The following SPRED2 variants were observed in gnomAD, a reference collection of about 807,000 sequenced individuals.
The protein encoded by SPRED2 is sprouty related EVH1 domain containing 2.
In SPRED2, 47 loss-of-function variants were observed where a neutral mutation model predicts 43.0. The observed-to-expected ratio is 1.09, with a 90% CI of 0.87 to 1.40. SPRED2 has a LOEUF of 1.40. SPRED2 is among the 40% of genes most tolerant of loss of function. SPRED2 has a pLI of 0.00. For missense variants in SPRED2, 561 were observed against 586.4 expected (o/e 0.96, Z 0.45); for synonymous variants, 225 against 225.7 (o/e 1.00, Z 0.03).
downstream of SPRED2, chr2:65,308,442 T>C (rs1407128616): frequency 1.7e-5 from 17 of 985,292 alleles, no homozygotes; most frequent in Non-Finnish European, 2.0e-5. Context: ...TCAGATCAAA[T>C]AGAAGTTAAG....
intron 2 of SPRED2, among the ~76,000 whole-genome samples, 181 bp from the exon 3 acceptor site, chr2:65,334,954 G>A (rs1385244336): frequency 6.6e-6 from 1 of 152,174 alleles, no homozygotes; most frequent in Non-Finnish European, 1.5e-5. Flanking sequence ...CTGACCATCC[G>A]ATCTTCGCTG....
chr2:65,317,741 C>T (rs1257901592), intron 4 of SPRED2, among the ~76,000 whole-genome samples: 2 of 152,002 alleles, frequency 1.3e-5, no homozygotes, highest in Non-Finnish European at 2.9e-5. Flanking sequence ...ATCTTGAGTA[C>T]TGGATTTCCA....
At chr2:65,430,856 G>C (rs1020471495) in intron 1 of SPRED2, among the ~76,000 whole-genome samples, 1 of 142,424 alleles carries the variant, frequency 7.0e-6, no homozygotes, top group Non-Finnish European at 1.6e-5. Flanking sequence ...AAAGGAGCGC[G>C]TCTTATTCAC....
chr2:65,391,723 A>G (rs1269075898), intron 1 of SPRED2, among the ~76,000 whole-genome samples: 1 of 152,152 alleles, frequency 6.6e-6, no homozygotes, highest in Non-Finnish European at 1.5e-5. Flanking sequence ...ATTTTTTTTT[A>G]AAAGAAGTAT....
intron 1 of SPRED2, among the ~76,000 whole-genome samples, chr2:65,371,529 G>T (rs897135621): frequency 6.6e-6 from 1 of 152,138 alleles, no homozygotes; most frequent in African/African-American, 2.4e-5. Flanking sequence ...AGGAGGCGGC[G>T]GAGGCAGATG....
intron 1 of SPRED2, among the ~76,000 whole-genome samples, chr2:65,377,283 T>G (rs1675263191): frequency 6.6e-6 from 1 of 152,214 alleles, no homozygotes; most frequent in Non-Finnish European, 1.5e-5. Flanking sequence ...TAAACCCATC[T>G]GAAATCAAGA....
At position 65,310,995 on chromosome 2, in the gene SPRED2, G is replaced by A. The variant is rs903049662; in HGVS notation, c.*2506C>T. The A allele has an allele frequency of 5.1e-6, 5 of 983,320 alleles. No individual in the cohort carries two copies. The South Asian group carries it at 2.4e-4, about 46-fold the overall frequency. The allele number at this position is 983,320 out of a possible 1,614,324, so 60.9% of individuals were successfully genotyped here. On this transcript the variant is annotated 3_prime_UTR_variant, in exon 6 of 6. Coordinates refer to ENST00000356388, the MANE Select transcript of SPRED2 (RefSeq NM_181784.3). ...TATATTTTTTACACAGAGGTAAAAA[G>A]GCTTATTATAAAAAAATCAATACAA...
intron 4 of SPRED2, among the ~76,000 whole-genome samples, chr2:65,321,790 T>C (rs1286577104): frequency 6.6e-6 from 1 of 152,170 alleles, no homozygotes; most frequent in Non-Finnish European, 1.5e-5. Flanking sequence ...TACATTTTTT[T>C]GAGACAGAGC....
intron 2 of SPRED2, among the ~76,000 whole-genome samples, chr2:65,336,085 T>G (rs976550949): frequency 1.3e-5 from 2 of 152,210 alleles, no homozygotes; most frequent in African/African-American, 2.4e-5. Context: ...GCCAGTACAG[T>G]GGCTCATGCC....
intron 1 of SPRED2, among the ~76,000 whole-genome samples, chr2:65,350,794 C>A (rs957437263): frequency 6.6e-6 from 1 of 152,220 alleles, no homozygotes; most frequent in African/African-American, 2.4e-5. Flanking sequence ...CAGGCCCCGT[C>A]TGGGCCACGT....
chr2:65,327,372 C>G (rs1162335066), intron 4 of SPRED2, among the ~76,000 whole-genome samples: 2 of 152,134 alleles, frequency 1.3e-5, no homozygotes, highest in Non-Finnish European at 2.9e-5. Context: ...GTAAATAAAG[C>G]AAGACACAAG....
chr2:65,341,455 G>A (rs759680882), intron 2 of SPRED2, among the ~76,000 whole-genome samples: 124 of 152,266 alleles, frequency 8.1e-4, no homozygotes, highest in Non-Finnish European at 1.5e-3. Flanking sequence ...CTCAGCGGGG[G>A]CGGACAGAGG....
intron 2 of SPRED2, among the ~76,000 whole-genome samples, chr2:65,337,409 GA>G (rs898337946): frequency 3.1e-4 from 46 of 148,000 alleles, no homozygotes; most frequent in African/African-American, 8.9e-4. Flanking sequence ...TTCGAGACTT[GA>G]AAAAAAAAAC....
downstream of SPRED2, chr2:65,310,837 C>A (rs1327141363): frequency 1.0e-6 from 1 of 983,382 alleles, no homozygotes; most frequent in Non-Finnish European, 1.2e-6. Context: ...AGACAAATAC[C>A]CCAAAGCCAG....
intron 1 of SPRED2, among the ~76,000 whole-genome samples, chr2:65,377,331 TA>T (rs1675264637): frequency 6.6e-6 from 1 of 152,068 alleles, no homozygotes. Context: ...TACAGAAAAA[TA>T]AAACCAAATT....
chr2:65,422,096 ACACACACACTCTCTCTCT>A (rs1676438796), intron 1 of SPRED2, among the ~76,000 whole-genome samples: 1 of 112,044 alleles, frequency 8.9e-6, no homozygotes. Context: ...ACACACACAC[ACACACACACTCTCTCTCT>A]CTCTCTCTCT....
intron 1 of SPRED2, among the ~76,000 whole-genome samples, chr2:65,396,368 G>T (rs1675757397): frequency 6.6e-6 from 1 of 152,086 alleles, no homozygotes; most frequent in Non-Finnish European, 1.5e-5. Flanking sequence ...AATACCTACG[G>T]CGCATCATGC....
intron 1 of SPRED2, among the ~76,000 whole-genome samples, chr2:65,418,755 A>G (rs1451026855): frequency 6.6e-6 from 1 of 151,868 alleles, no homozygotes; most frequent in African/African-American, 2.4e-5. Context: ...GGATTTCACC[A>G]TATTGGCCAG....
rs150496700 is a variant in SPRED2, at chr2:65,313,932, G to T, written c.826C>A (p.Leu276Ile). Residue 276 changes from leucine to isoleucine, a missense_variant, in exon 6 of 6, where the codon CTA (leucine) becomes ATA (isoleucine). Transcript: ENST00000356388. ...YPYVDSSDFG[L>I]GEDPKGRGGS... ...CCGCGGCCTTTGGGGTCCTCGCCTAGGCCAAAGTCTGAGGAGTCCACGTAG... is the reference window on the plus strand; with the variant it reads ...CCGCGGCCTTTGGGGTCCTCGCCTATGCCAAAGTCTGAGGAGTCCACGTAG... 7 of 1,611,378 alleles carry T rather than the reference G, an allele frequency of 4.3e-6. No individual in the cohort carries two copies. The African/African-American group carries it at 9.3e-5, about 21-fold the overall frequency.
Sources: gnomAD v4.1 joint callset for allele counts (sites outside exome capture counted in the v4.1 genomes callset) on GRCh38, gnomAD v4.1.1 for gene constraint, MANE v1.5 for transcripts, NCBI Gene and HGNC (gene_info 2026-07-23, HGNC 2026-07-21) for gene names.